Variants in ITGB2 observed in about 807,000 individuals in gnomAD.
The protein encoded by ITGB2 is integrin subunit beta 2, also known as integrin beta-2.
A neutral mutation model predicts 86.8 loss-of-function variants in ITGB2; 56 were observed. That is an observed-to-expected ratio of 0.65 (90% confidence interval 0.52 to 0.81). The LOEUF is 0.81. Among genes scored for constraint, ITGB2 ranks in the 30% least tolerant of loss-of-function variants. ITGB2 has a pLI of 0.00. For missense variants in ITGB2, 948 were observed against 1,061.2 expected, an observed-to-expected ratio of 0.89 and a Z score of 1.48; for synonymous variants, 457 against 450.4, an observed-to-expected ratio of 1.01 and a Z score of -0.19.
chr21:44,908,957 C>T (rs983804534), intron 3 of ITGB2, among the ~76,000 whole-genome samples: 3 of 152,216 alleles, frequency 2.0e-5, no homozygotes, highest in African/African-American at 7.2e-5. Flanking sequence ...TCATGCACTA[C>T]TGAACAAAAT....
chr21:44,886,927 G>C, intron 14 of ITGB2, 25 bp from the exon 15 acceptor site: 2 of 1,610,136 alleles, frequency 1.2e-6, no homozygotes, highest in Non-Finnish European at 1.7e-6. Context: ...GCACACCTGA[G>C]CGTCAGTCCA....
At chr21:44,919,114 C>G (rs1209235743) in intron 1 of ITGB2, among the ~76,000 whole-genome samples, 1 of 151,508 alleles carries the variant, frequency 6.6e-6, no homozygotes, top group East Asian at 1.9e-4. Flanking sequence ...AACCCCACAG[C>G]CCGCCCGGTC....
At chr21:44,905,414 CCCCCACCCTT>C (rs1367264036) in intron 4 of ITGB2, among the ~76,000 whole-genome samples, 1 of 152,130 alleles carries the variant, frequency 6.6e-6, no homozygotes, top group Non-Finnish European at 1.5e-5. Context: ...GGCAGCCACT[CCCCCACCCTT>C]CCCCACGGCA....
At chr21:44,902,993 T>A (rs1351603016) in intron 5 of ITGB2, among the ~76,000 whole-genome samples, 1 of 151,554 alleles carries the variant, frequency 6.6e-6, no homozygotes, top group Non-Finnish European at 1.5e-5. Context: ...CCAGCAGAGC[T>A]TGCTGTGTGG....
chr21:44,916,593 CAT>C, intron 1 of ITGB2, among the ~76,000 whole-genome samples: 2 of 152,216 alleles, frequency 1.3e-5, no homozygotes, highest in Middle Eastern at 6.8e-3. Context: ...GGAGGCCGGG[CAT>C]GGTGGCTCAT....
At chr21:44,899,950 G>A (rs1226451518) in intron 7 of ITGB2, among the ~76,000 whole-genome samples, 1 of 152,232 alleles carries the variant, frequency 6.6e-6, no homozygotes, top group Non-Finnish European at 1.5e-5. Flanking sequence ...GGAGGCGGAT[G>A]CTTGGGGATG....
intron 13 of ITGB2, 47 bp downstream of exon 13, chr21:44,889,229 G>T (rs371185123): frequency 2.5e-6 from 4 of 1,576,130 alleles, no homozygotes; most frequent in Non-Finnish European, 3.5e-6. Flanking sequence ...GTAGGTGGCC[G>T]GGGAGTGGGG....
At chr21:44,895,360 T>C (rs887727447) in intron 8 of ITGB2, among the ~76,000 whole-genome samples, 1 of 151,740 alleles carries the variant, frequency 6.6e-6, no homozygotes, top group African/African-American at 2.4e-5. Context: ...GAAGACCCCA[T>C]CTCTACAAAA....
intron 10 of ITGB2, chr21:44,892,897 A>G (rs2083809706): frequency 5.8e-6 from 1 of 172,204 alleles, no homozygotes. Flanking sequence ...CACGCAGAAA[A>G]TCATGACAAC....
chr21:44,920,422 C>G (rs572238676), intron 1 of ITGB2, among the ~76,000 whole-genome samples: 1 of 152,290 alleles, frequency 6.6e-6, no homozygotes, highest in East Asian at 1.9e-4. Context: ...ACAGGAGGGC[C>G]TAACACAGGC....
intron 7 of ITGB2, among the ~76,000 whole-genome samples, chr21:44,899,614 G>GC (rs1366933826): frequency 3.9e-5 from 6 of 152,182 alleles, no homozygotes; most frequent in South Asian, 2.1e-4. Flanking sequence ...GTCCTTTGCG[G>GC]CCCCCAGAGC....
chr21:44,901,538 G>T lies in ITGB2; in HGVS notation c.695C>A (p.Ala232Glu). ...CATGGCGTCCAGCCCACCCTCGGGT[G>T]CATCCAGGTTTCCGGAAATCAGCTG... Reference protein sequence around the residue: ...GKQLISGNLDAPEGGLDAMMQ... With the variant: ...GKQLISGNLDEPEGGLDAMMQ... Residue 232 changes from alanine to glutamate, a missense_variant, in exon 6 of 16, where the codon GCA becomes GAA. Physicochemically the swap from Ala to Glu is moderately radical, Grantham distance 107. Coordinates refer to ENST00000652462, the MANE Select transcript of ITGB2 (RefSeq NM_000211.5). 1 of 1,614,248 alleles carries T rather than the reference G, an allele frequency of 6.2e-7. No homozygotes were observed. Among genetic ancestry groups the T allele is most frequent in the Non-Finnish European group, 8.5e-7 (1 of 1,180,050 alleles).
chr21:44,888,828 C>T lies in ITGB2; in HGVS notation c.1945G>A (p.Gly649Ser). Residue 649 changes from glycine (G) to serine (S), a missense_variant, in exon 14 of 16, where the codon GGC becomes AGC. Transcript: ENST00000652462. ...FGKNCSAACP[G>S]LQLSNNPVKG... ...ACGGGGTTGTTCGACAGCTGCAGGC[C>T]CGGACACGCCGCGCTGCAGTTCTTC... The T allele has an allele frequency of 6.2e-7, 1 of 1,610,916 alleles. No individual in the cohort carries two copies. The highest frequency in any genetic ancestry group is 8.5e-7 in the Non-Finnish European group (1 of 1,179,966).
At position 44,911,032 on chromosome 21, in the gene ITGB2, G is replaced by A. The variant is rs958628004; in HGVS notation, c.-3-247C>T. 3.7e-5 allele frequency: 21 copies of A among 572,102 alleles called. No individual in the cohort carries two copies. In the East Asian group the frequency reaches 3.8e-4, roughly 10 times the overall value. 35.4% of individuals were successfully genotyped at this position (572,102 alleles called of 1,614,324 possible). ...GCCAGGCACCCAGGACAGCTGCAGC[G>A]GGCCCCTGCAGAGGCACACAACACA... is the stretch of plus-strand genomic sequence containing the variant. On this transcript the variant is annotated intron_variant, in intron 1 of 15. Coordinates refer to ENST00000652462, the MANE Select transcript of ITGB2 (RefSeq NM_000211.5).
chr21:44,922,546 C>T (rs373008311), upstream of ITGB2, among the ~76,000 whole-genome samples: 5 of 150,572 alleles, frequency 3.3e-5, no homozygotes, highest in East Asian at 1.9e-4. Context: ...TGGTAGCACG[C>T]GATATGGTCC....
chr21:44,888,755 G>A lies in ITGB2; in HGVS notation c.2018C>T (p.Ala673Val), dbSNP rs1214104170. 3.1e-6 allele frequency: 5 copies of A among 1,611,760 alleles called. No individual in the cohort carries two copies. The highest frequency in any genetic ancestry group is 3.3e-5 in the Admixed American group (2 of 60,026). ...KERDSEGCWV[A>V]YTLEQQDGMD... ...CCCGTCCTGCTGCTCCAGCGTGTAG[G>A]CCACCCAGCAGCCCTCTGAGTCCCT... Residue 673 changes from alanine (A) to valine (V), a missense_variant, in exon 14 of 16, where the codon GCC becomes GTC. Ala to Val is a moderately conservative substitution (Grantham distance 64). Transcript: ENST00000652462.
chr21:44,899,306 G>A (rs1437039922), intron 7 of ITGB2, 144 bp from the exon 8 acceptor site: 43 of 693,296 alleles, frequency 6.2e-5, no homozygotes, highest in African/African-American at 1.2e-4. Flanking sequence ...AGGCTGCCAC[G>A]CAGGAGTGCA....
chr21:44,892,452 T>A (rs140146546), intron 10 of ITGB2, among the ~76,000 whole-genome samples: 8,691 of 152,116 alleles, frequency 0.057, 228 homozygotes, highest in South Asian at 0.071. Context: ...AAACTCTGTC[T>A]CTACTAAAAA....
intron 1 of ITGB2, among the ~76,000 whole-genome samples, chr21:44,918,889 G>A (rs1487674569): frequency 2.7e-5 from 2 of 74,296 alleles, no homozygotes; most frequent in Non-Finnish European, 5.0e-5. Flanking sequence ...CGCCCACCAG[G>A]AAATGCCCCT....
Sources: allele counts gnomAD v4.1 joint callset (sites outside exome capture counted in the v4.1 genomes callset), GRCh38; gene constraint gnomAD v4.1.1; transcripts MANE v1.5; gene names NCBI Gene and HGNC (gene_info 2026-07-23, HGNC 2026-07-21).